Variants in LUZP2 observed in about 807,000 individuals in gnomAD.
LUZP2 encodes leucine zipper protein 2.
LUZP2 carries 52 observed loss-of-function variants against 51.6 expected under a neutral mutation model. The observed-to-expected ratio is 1.01, with a 90% CI of 0.81 to 1.27. The LOEUF (loss-of-function observed/expected upper bound fraction) is 1.27, where lower values mean the gene tolerates loss of function less well. LUZP2 is among the 50% of genes most tolerant of loss of function. LUZP2 has a pLI of 0.00. For synonymous variants in LUZP2, 154 were observed against 137.3 expected (o/e 1.12, Z -0.85); for missense variants, 436 against 395.4 (o/e 1.10, Z -0.87).
intron 5 of LUZP2, among the ~76,000 whole-genome samples, chr11:24,796,242 C>A (rs779544087): frequency 6.6e-6 from 1 of 151,970 alleles, no homozygotes; most frequent in Non-Finnish European, 1.5e-5. Context: ...AAAGCAAGTT[C>A]TATTCTTCTG....
intron 1 of LUZP2, among the ~76,000 whole-genome samples, chr11:24,716,473 A>G (rs1348884344): frequency 6.6e-6 from 1 of 152,244 alleles, no homozygotes; most frequent in African/African-American, 2.4e-5. Flanking sequence ...ACGGCAGGAC[A>G]GACATCAAAG....
At chr11:24,781,984 G>A (rs765595095) in intron 5 of LUZP2, among the ~76,000 whole-genome samples, 1 of 152,000 alleles carries the variant, frequency 6.6e-6, no homozygotes, top group Non-Finnish European at 1.5e-5. Context: ...GTTTGGATAA[G>A]AAGACTCTAA....
At chr11:24,783,880 T>C (rs188259350) in intron 5 of LUZP2, among the ~76,000 whole-genome samples, 69 of 151,998 alleles carry the variant, frequency 4.5e-4, no homozygotes, top group African/African-American at 1.6e-3. Context: ...TACCTCAAGG[T>C]ATTTGTAGCA....
chr11:24,546,344 A>G (rs1851541453), intron 1 of LUZP2, among the ~76,000 whole-genome samples: 1 of 152,042 alleles, frequency 6.6e-6, no homozygotes, highest in South Asian at 2.1e-4. Context: ...GAGAGAAGGA[A>G]TCCCTGTCTG....
chr11:24,587,355 A>G (rs914698538), intron 1 of LUZP2, among the ~76,000 whole-genome samples: 1 of 152,146 alleles, frequency 6.6e-6, no homozygotes, highest in Non-Finnish European at 1.5e-5. Flanking sequence ...AGAATTCCCT[A>G]TCTGGAATTA....
At chr11:24,584,216 T>C (rs1375437506) in intron 1 of LUZP2, among the ~76,000 whole-genome samples, 1 of 152,138 alleles carries the variant, frequency 6.6e-6, no homozygotes, top group Non-Finnish European at 1.5e-5. Flanking sequence ...AAATGAAGCC[T>C]GCCAGCTTCT....
At chr11:24,802,030 A>C (rs1388451620) in intron 5 of LUZP2, among the ~76,000 whole-genome samples, 1 of 152,012 alleles carries the variant, frequency 6.6e-6, no homozygotes, top group Non-Finnish European at 1.5e-5. Context: ...ATGTAATCCA[A>C]ACATTACTAC....
At chr11:24,882,955 A>G (rs111770514) in intron 5 of LUZP2, among the ~76,000 whole-genome samples, 61,464 of 141,798 alleles carry the variant, frequency 0.43, 14,787 homozygotes, top group East Asian at 0.65. Context: ...AGAAAGGAAG[A>G]AAGAAAGAGA....
intron 5 of LUZP2, among the ~76,000 whole-genome samples, chr11:24,826,449 C>T (rs997944039): frequency 1.3e-5 from 2 of 151,298 alleles, no homozygotes; most frequent in African/African-American, 2.4e-5. Flanking sequence ...CACACTATGT[C>T]GAGCCTTCCT....
chr11:24,650,206 C>T lies in LUZP2; in HGVS notation c.63-78963C>T, dbSNP rs1363828784. Among the ~76,000 whole-genome samples the T allele has an allele frequency of 2.0e-5, 3 of 151,996 alleles. No individual in the cohort carries two copies. The East Asian group carries it at 5.8e-4, about 29-fold the overall frequency. ...GATTTTTAGCCATCCCAGACAGATT[C>T]CTTATGAACAGAGATGTGAGTCAAA... On this transcript the variant is annotated intron_variant, in intron 1 of 11. Coordinates refer to ENST00000336930, the MANE Select transcript of LUZP2 (RefSeq NM_001009909.4).
intron 4 of LUZP2, among the ~76,000 whole-genome samples, chr11:24,741,949 TTATATATTATATATAAATATATACATTTA>T (rs1859177214): frequency 9.5e-6 from 1 of 105,172 alleles, no homozygotes; most frequent in Non-Finnish European, 2.2e-5. Context: ...ATATATACAT[TTATATATTATATATAAATATATACATTTA>T]TATATTATAT....
chr11:24,685,613 A>G (rs554701506), intron 1 of LUZP2, among the ~76,000 whole-genome samples: 1 of 152,116 alleles, frequency 6.6e-6, no homozygotes, highest in Non-Finnish European at 1.5e-5. Context: ...TGCCCGCCCA[A>G]CAAAGCCTAC....
intron 4 of LUZP2, among the ~76,000 whole-genome samples, chr11:24,759,158 G>A (rs1246545494): frequency 6.6e-6 from 1 of 152,072 alleles, no homozygotes; most frequent in Non-Finnish European, 1.5e-5. Flanking sequence ...ATTATTGAAT[G>A]CATTTCCCTA....
At chr11:25,002,565 C>A (rs1856715572) in intron 9 of LUZP2, among the ~76,000 whole-genome samples, 1 of 152,150 alleles carries the variant, frequency 6.6e-6, no homozygotes, top group South Asian at 2.1e-4. Context: ...ACAGTGAGAT[C>A]CTTTCCTTGT....
intron 10 of LUZP2, among the ~76,000 whole-genome samples, chr11:25,070,917 G>C (rs1446155): frequency 0.9 from 136,345 of 151,668 alleles, 62,284 homozygotes; most frequent in Non-Finnish European, 0.98. Context: ...TCTTGAAAAG[G>C]TTCCCTTCTT....
chr11:24,553,281 T>C (rs1851772746), intron 1 of LUZP2, among the ~76,000 whole-genome samples: 1 of 151,942 alleles, frequency 6.6e-6, no homozygotes, highest in South Asian at 2.1e-4. Flanking sequence ...GTAGCTTATA[T>C]GAAGACAAAT....
intron 1 of LUZP2, among the ~76,000 whole-genome samples, chr11:24,521,398 A>G (rs1038452751): frequency 2.0e-5 from 3 of 150,982 alleles, no homozygotes; most frequent in Non-Finnish European, 4.4e-5. Context: ...AAGAAAATAG[A>G]TTGTTTTAGA....
At chr11:24,581,400 G>T (rs1427771913) in intron 1 of LUZP2, among the ~76,000 whole-genome samples, 1 of 152,120 alleles carries the variant, frequency 6.6e-6, no homozygotes, top group East Asian at 1.9e-4. Flanking sequence ...GCCGGGTGCG[G>T]TGGCTTACGC....
At position 24,814,858 on chromosome 11, in the gene LUZP2, G is replaced by A. The variant is rs192664342; in HGVS notation, c.396+51550G>A. Among the ~76,000 whole-genome samples, 738 of 152,158 alleles carry A rather than the reference G, an allele frequency of 4.9e-3. 7 individuals are homozygous for A. Among genetic ancestry groups the A allele is most frequent in the African/African-American group, 0.017 (706 of 41,514 alleles). On this transcript the variant is annotated intron_variant, in intron 5 of 11. Coordinates refer to ENST00000336930, the MANE Select transcript of LUZP2 (RefSeq NM_001009909.4). ...ATACAAAAAATTAGCCAGGCGTGGC[G>A]GTGTGCGCCTGTAGTCCCAGCTACT...
Sources: gnomAD v4.1 joint callset for allele counts (sites outside exome capture counted in the v4.1 genomes callset) on GRCh38, gnomAD v4.1.1 for gene constraint, MANE v1.5 for transcripts, NCBI Gene and HGNC (gene_info 2026-07-23, HGNC 2026-07-21) for gene names.